Variants in SS18L2 observed in about 807,000 individuals in gnomAD.
SS18L2 encodes the protein SS18-like protein 2.
Under a neutral mutation model 10.3 loss-of-function variants are expected in SS18L2, and 8 were observed. The ratio of observed to expected loss-of-function variants is 0.78; its 90% confidence interval spans 0.46 to 1.41. The LOEUF is 1.41. Ranked by LOEUF, SS18L2 falls within the 40% of genes most tolerant of loss-of-function variation. The probability of loss-of-function intolerance (pLI) is 0.00; values close to 1 mark genes in which losing one functional copy is unlikely to be tolerated. For synonymous variants in SS18L2, 41 were observed against 34.6 expected (o/e 1.19, Z -0.65); for missense variants, 100 against 96.2 (o/e 1.04, Z -0.17).
intron 1 of SS18L2, among the ~76,000 whole-genome samples, chr3:42,584,060 T>A (rs1406990277): frequency 6.6e-6 from 1 of 152,194 alleles, no homozygotes; most frequent in Non-Finnish European, 1.5e-5. Context: ...TGGTCTATTG[T>A]GGGACTTCTC....
At chr3:42,588,566 T>C (rs1024495679), upstream of SS18L2, among the ~76,000 whole-genome samples, 2 of 152,210 alleles carry the variant, frequency 1.3e-5, no homozygotes, top group Non-Finnish European at 2.9e-5. Flanking sequence ...TGTAGCATTA[T>C]GTTATATAGT....
Position 42,594,789 on chromosome 3 carries a change from C to A in SS18L2, c.*280C>A, listed in dbSNP as rs1431080880. 2 of 270,858 alleles carry A rather than the reference C, an allele frequency of 7.4e-6. No homozygotes were observed. Among genetic ancestry groups the A allele is most frequent in the East Asian group, 7.9e-5 (1 of 12,668 alleles). 16.8% of individuals were successfully genotyped at this position (270,858 alleles called of 1,614,324 possible). On this transcript the variant is annotated 3_prime_UTR_variant, in exon 3 of 3. Coordinates refer to ENST00000011691, the MANE Select transcript of SS18L2 (RefSeq NM_001370300.1). Reference sequence around the variant, plus strand: ...TTGGAGCATGTTTGGATAACAAAGACATCACTGGGATGTTCAAGTCTACTT... The same window carrying A: ...TTGGAGCATGTTTGGATAACAAAGAAATCACTGGGATGTTCAAGTCTACTT...
At chr3:42,591,293 G>A in intron 1 of SS18L2, 1 of 582,416 alleles carries the variant, frequency 1.7e-6, no homozygotes, top group Non-Finnish European at 3.0e-6. Flanking sequence ...CCGCTTCCTG[G>A]CTTCAAGCGA....
chr3:42,592,129 C>A (rs538181141), intron 2 of SS18L2, among the ~76,000 whole-genome samples: 1 of 152,112 alleles, frequency 6.6e-6, no homozygotes, highest in Non-Finnish European at 1.5e-5. Flanking sequence ...TAAGTAGATA[C>A]CAAAATGAGA....
upstream of SS18L2, among the ~76,000 whole-genome samples, chr3:42,586,035 C>A (rs953351005): frequency 1.3e-5 from 2 of 152,128 alleles, no homozygotes; most frequent in Non-Finnish European, 1.5e-5. Flanking sequence ...AACTCCTCTC[C>A]TTCCAGCTAC....
At chr3:42,586,616 C>T (rs1704620211), upstream of SS18L2, among the ~76,000 whole-genome samples, 1 of 151,112 alleles carries the variant, frequency 6.6e-6, no homozygotes, top group African/African-American at 2.4e-5. Flanking sequence ...AACCCCCACT[C>T]TCCTGGTTTT....
At chr3:42,590,722 T>C, upstream of SS18L2, 1 of 702,280 alleles carries the variant, frequency 1.4e-6, no homozygotes, top group Middle Eastern at 2.5e-4. Flanking sequence ...CCCCCGGCGT[T>C]CTGGGGGCTG....
At chr3:42,586,074 C>A (rs1161042794), upstream of SS18L2, among the ~76,000 whole-genome samples, 1 of 152,190 alleles carries the variant, frequency 6.6e-6, no homozygotes, top group East Asian at 1.9e-4. Context: ...CCCTTTACAA[C>A]CAAACCTCAT....
At chr3:42,585,941 CCCCCCCT>C (rs1559534390), upstream of SS18L2, among the ~76,000 whole-genome samples, 1 of 151,888 alleles carries the variant, frequency 6.6e-6, no homozygotes, top group Admixed American at 6.6e-5. Context: ...CACTCTTCAA[CCCCCCCT>C]CCCCCGCTTG....
chr3:42,586,746 T>C (rs900950189), upstream of SS18L2, among the ~76,000 whole-genome samples: 5 of 152,220 alleles, frequency 3.3e-5, no homozygotes, highest in African/African-American at 1.2e-4. Context: ...ATAGTTCCAG[T>C]CAGTTTCTAC....
At position 42,594,843 on chromosome 3, in the gene SS18L2, G is replaced by A. The variant is rs1315293570; in HGVS notation, c.*334G>A. ...AGTTTCAACCTGAAGAGGAAACTCA[G>A]TAGGTGTTGGGCAGGAATTGGTGAG... is the stretch of plus-strand genomic sequence containing the variant. On this transcript the variant is annotated 3_prime_UTR_variant, in exon 3 of 3. Transcript: ENST00000011691. 3 of 178,954 alleles carry A rather than the reference G, an allele frequency of 1.7e-5. No individual in the cohort carries two copies. The highest frequency in any genetic ancestry group is 3.5e-5 in the Non-Finnish European group (3 of 84,986). The allele number at this position is 178,954 out of a possible 1,614,324, so 11.1% of individuals were successfully genotyped here. A position where few individuals can be genotyped will look rare whatever the true frequency, so the allele number is the denominator to read the frequency against.
Position 42,591,584 on chromosome 3 carries a change from C to A in SS18L2, c.129C>A (p.Arg43=). Residue 43 remains arginine (R), a synonymous_variant, in exon 2 of 3, where the codon CGC becomes CGA. Coordinates refer to ENST00000011691, the MANE Select transcript of SS18L2 (RefSeq NM_001370300.1). ...TTGTGGAGTATCAGAACAAGGGCCG[C>A]GGGAACGAGTGCGTGCAGTAAGTAC... ...RCIVEYQNKG[R]GNECVQYQHV... The A allele has an allele frequency of 6.2e-7, 1 of 1,613,584 alleles. No homozygotes were observed. Among genetic ancestry groups the A allele is most frequent in the Non-Finnish European group, 8.5e-7 (1 of 1,179,518 alleles).
At chr3:42,583,725 T>A (rs763374557) in intron 1 of SS18L2, among the ~76,000 whole-genome samples, 4 of 152,142 alleles carry the variant, frequency 2.6e-5, no homozygotes, top group Non-Finnish European at 4.4e-5. Flanking sequence ...AGGCACCACA[T>A]AATAGAACAA....
At chr3:42,592,208 T>C (rs186630702) in intron 2 of SS18L2, among the ~76,000 whole-genome samples, 24 of 152,232 alleles carry the variant, frequency 1.6e-4, no homozygotes, top group East Asian at 1.3e-3. Context: ...CTTTTCTTTT[T>C]TTTTTTCTTT....
In SS18L2 at chr3:42,591,201, C is replaced by CTTT. The variant is rs71616053; in HGVS notation, c.69+249_69+251dup. ...TCACACTGCACTAACCCTTTCTCTC[C>CTTT]TTTTTTTTTTTTTTTTGAGACGGAG... On this transcript the variant is annotated intron_variant, in intron 1 of 2. Transcript: ENST00000011691. The CTTT allele has an allele frequency of 6.6e-3, 3,225 of 486,144 alleles. 3 individuals carry two copies. Among genetic ancestry groups the CTTT allele is most frequent in the South Asian group, 0.012 (468 of 40,004 alleles). The allele number at this position is 486,144 out of a possible 1,614,324, so 30.1% of individuals were successfully genotyped here.
At chr3:42,591,950 C>G (rs7647335) in intron 2 of SS18L2, among the ~76,000 whole-genome samples, 1 of 152,078 alleles carries the variant, frequency 6.6e-6, no homozygotes, top group African/African-American at 2.4e-5. Flanking sequence ...ATCTTGGATC[C>G]CTGCCTCATC....
chr3:42,595,478 G>T lies in SS18L2; in HGVS notation c.*969G>T, dbSNP rs1367222411. 2.0e-5 allele frequency among the ~76,000 whole-genome samples: 3 copies of T among 152,168 alleles called. No homozygotes were observed. The highest frequency in any genetic ancestry group is 7.2e-5 in the African/African-American group (3 of 41,436). On this transcript the variant is annotated 3_prime_UTR_variant, in exon 3 of 3. Transcript: ENST00000011691. ...TTTTAGCAGGAATATATTAGAAGGT[G>T]ATAAGTACTTGCTTTTGCATCACAT...
chr3:42,586,480 C>T, upstream of SS18L2, among the ~76,000 whole-genome samples: 1 of 152,048 alleles, frequency 6.6e-6, no homozygotes, highest in East Asian at 1.9e-4. Flanking sequence ...ACCTCGGCCT[C>T]CCAAAGTGCT....
In SS18L2 at chr3:42,596,569, G is replaced by A. The variant is rs749008692; in HGVS notation, c.*2060G>A. 2.0e-5 allele frequency among the ~76,000 whole-genome samples: 3 copies of A among 152,228 alleles called. No individual in the cohort carries two copies. Among genetic ancestry groups the A allele is most frequent in the Non-Finnish European group, 2.9e-5 (2 of 68,044 alleles). On this transcript the variant is annotated 3_prime_UTR_variant, in exon 3 of 3. Coordinates refer to ENST00000011691, the MANE Select transcript of SS18L2 (RefSeq NM_001370300.1). ...CTTTCTACCACTCTTGGAAGAGATG[G>A]AGGAGGTGTCAGTCATTTTGGTTGA... is the stretch of plus-strand genomic sequence containing the variant.
Sources: gnomAD v4.1 joint callset for allele counts (sites outside exome capture counted in the v4.1 genomes callset) on GRCh38, gnomAD v4.1.1 for gene constraint, MANE v1.5 for transcripts, NCBI Gene and HGNC (gene_info 2026-07-23, HGNC 2026-07-21) for gene names.